DNHD1: variants seen among roughly 807,000 people sequenced by gnomAD.
The protein encoded by DNHD1 is dynein heavy chain domain 1, also known as dynein heavy chain domain-containing protein 1.
DNHD1 carries 383 observed loss-of-function variants against 458.1 expected under a neutral mutation model. The ratio of observed to expected loss-of-function variants is 0.84; its 90% CI spans 0.77 to 0.91. DNHD1 has a LOEUF of 0.91. Among genes scored for constraint, DNHD1 ranks in the 40% least tolerant of loss-of-function variants. DNHD1 has a pLI of 0.00. For missense variants in DNHD1, 5,336 were observed against 5,866.1 expected (o/e 0.91, Z 2.95); for synonymous variants, 2,203 against 2,376.9 (o/e 0.93, Z 2.13).
Position 6,537,737 on chromosome 11 carries a change from C to T in DNHD1, c.2999-646C>T, listed in dbSNP as rs779136945. ...CACGAGGTCAGGAGTTCGAGACAAGCCTGGCCAACATAGTGAAACCCTGTC... is the reference window on the plus strand; with the variant it reads ...CACGAGGTCAGGAGTTCGAGACAAGTCTGGCCAACATAGTGAAACCCTGTC... On this transcript the variant is annotated intron_variant, in intron 14 of 42. Transcript: ENST00000254579. Among the ~76,000 whole-genome samples the T allele has an allele frequency of 2.7e-4, 41 of 152,190 alleles. No individual in the cohort carries two copies. In the Middle Eastern group the frequency reaches 0.017, roughly 63 times the overall value.
chr11:6,570,994 G>T lies in DNHD1; in HGVS notation c.13482G>T (p.Gln4494His), dbSNP rs751967513. ...VLETEALELS[Q>H]LVGTLQRDLD... The stretch of plus-strand genomic sequence containing the variant: ...AGACCGAGGCTCTAGAACTGAGCCA[G>T]TTGGTGGGCACGCTACAACGCGACC... Residue 4494 changes from glutamine to histidine, a missense_variant, in exon 42 of 43, where the codon CAG (glutamine) becomes CAT (histidine). Gln to His is a conservative substitution (Grantham distance 24, BLOSUM62 0). Coordinates refer to ENST00000254579, the MANE Select transcript of DNHD1 (RefSeq NM_144666.3). The T allele has an allele frequency of 6.2e-7, 1 of 1,601,986 alleles. No homozygotes were observed. Among genetic ancestry groups the T allele is most frequent in the Non-Finnish European group, 8.5e-7 (1 of 1,171,348 alleles).
Position 6,563,786 on chromosome 11 carries a change from C to A in DNHD1, c.9946C>A (p.Leu3316Met). Residue 3316 changes from leucine to methionine, a missense_variant, in exon 31 of 43, where the codon CTG (leucine) becomes ATG (methionine). Transcript: ENST00000254579. The stretch of plus-strand genomic sequence containing the variant: ...GGCTCCAGGTATGGACGATGCAGCC[C>A]TGCGGGCAGTGAGCCGACCTGCAGC... ...LKAPGMDDAA[L>M]RAVSRPAASL... is the part of the protein sequence containing the mutation. 1 of 1,551,676 alleles carries A rather than the reference C, an allele frequency of 6.4e-7. No homozygotes were observed.
At chr11:6,514,017 T>C (rs188490624) in intron 7 of DNHD1, among the ~76,000 whole-genome samples, 125 of 152,164 alleles carry the variant, frequency 8.2e-4, no homozygotes, top group Admixed American at 1.8e-3. Flanking sequence ...CTAATTTTTT[T>C]TTGTATTTTT....
chr11:6,499,660 C>T lies in DNHD1; in HGVS notation c.746+699C>T, dbSNP rs1314835437. Among the ~76,000 whole-genome samples, 17 of 152,030 alleles carry T rather than the reference C, an allele frequency of 1.1e-4. No homozygotes were observed. The East Asian group carries it at 2.5e-3, about 23-fold the overall frequency. ...TCGGTTCACCGCAACCTCCGCCTCC[C>T]GGGTTCAAGTGATTCTCCTGCCTCA... On this transcript the variant is annotated intron_variant, in intron 3 of 42. Transcript: ENST00000254579.
In DNHD1 at chr11:6,505,338, C is replaced by T. The variant is rs190715612; in HGVS notation, c.920+2412C>T. Among the ~76,000 whole-genome samples the T allele has an allele frequency of 9.2e-5, 14 of 152,152 alleles. No individual in the cohort carries two copies. The highest frequency in any genetic ancestry group is 3.1e-4 in the African/African-American group (13 of 41,500). ...TGGCTCACTTTAATCTCCGCATCTC[C>T]GCCTCCCAGGTTCAAGCGATTCTCC... is the stretch of plus-strand genomic sequence containing the variant. On this transcript the variant is annotated intron_variant, in intron 4 of 42. Transcript: ENST00000254579. This position sits in a 1 kb window ranked among gnomAD's most constrained non-coding sequence, Gnocchi z 4.4.
At position 6,545,528 on chromosome 11, in the gene DNHD1, G is replaced by C. The variant is rs1034903938; in HGVS notation, c.4589G>C (p.Trp1530Ser). 2 of 1,551,790 alleles carry C rather than the reference G, an allele frequency of 1.3e-6. No homozygotes were observed. Among genetic ancestry groups the C allele is most frequent in the Admixed American group, 2.0e-5 (1 of 51,012 alleles). The change falls in exon 21 of 43, where the codon TGG becomes TCG. Residue 1530 changes from tryptophan (W) to serine (S), a missense_variant. Transcript: ENST00000254579. This position sits in a 1 kb window ranked among gnomAD's most constrained non-coding sequence, Gnocchi z 4.9. ...RAEMEEALLE[W>S]GTLAMVSMHM... ...GAGATGGAGGAGGCTCTGCTTGAGTGGGGTACCCTGGCCATGGTCTCCATG... is the reference window on the plus strand; with the variant it reads ...GAGATGGAGGAGGCTCTGCTTGAGTCGGGTACCCTGGCCATGGTCTCCATG...
intron 10 of DNHD1, among the ~76,000 whole-genome samples, chr11:6,528,078 G>A (rs183983640): frequency 2.0e-5 from 3 of 152,330 alleles, no homozygotes; most frequent in African/African-American, 4.8e-5. Flanking sequence ...GAATTAAGAG[G>A]GGGAAAGAGT....
In DNHD1 at chr11:6,571,694, A is replaced by G. The variant is rs770672401; in HGVS notation, c.13970A>G (p.Gln4657Arg). The change falls in exon 43 of 43, where the codon CAG becomes CGG. Residue 4657 changes from glutamine (Q) to arginine (R), a missense_variant. By Grantham distance (43) the Gln-to-Arg change is conservative (BLOSUM62 1). Around this residue, in one of 4 missense-constraint regions of DNHD1, gnomAD observed 698 missense variants for 664.9 expected, o/e 1.05. Coordinates refer to ENST00000254579, the MANE Select transcript of DNHD1 (RefSeq NM_144666.3). This position sits in a 1 kb window ranked among gnomAD's most constrained non-coding sequence, Gnocchi z 5.0. ...AGAGGGCTGCTGCTGATCGGGCTAC[A>G]GGTCCTACATGCGGAGTGGGACCCA... ...PERGLLLIGL[Q>R]VLHAEWDPIA... is the part of the protein sequence containing the mutation. 1 of 1,611,612 alleles carries G rather than the reference A, an allele frequency of 6.2e-7. No homozygotes were observed. Among genetic ancestry groups the G allele is most frequent in the East Asian group, 2.2e-5 (1 of 44,776 alleles).
At position 6,545,611 on chromosome 11, in the gene DNHD1, G is replaced by A. The variant is rs770507751; in HGVS notation, c.4672G>A (p.Gly1558Ser). Residue 1558 changes from glycine (G) to serine (S), a missense_variant, in exon 21 of 43, where the codon GGT becomes AGT. Gly to Ser is a moderately conservative substitution (Grantham distance 56). Around this residue, in one of 4 missense-constraint regions of DNHD1, gnomAD observed 3,932 missense variants for 4,365.6 expected, o/e 0.90. Transcript: ENST00000254579. The surrounding 1 kb of genome is among the most constrained non-coding windows in gnomAD (Gnocchi z 4.9). ...TATGCGGGCCCAGAGGGCTTCCCAA[G>A]GTGGGCAGTCCCTGCCTTCTGTCCG... Reference protein sequence around the residue: ...NFMRAQRASQGGQSLPSVRQT... With the variant: ...NFMRAQRASQSGQSLPSVRQT... The A allele has an allele frequency of 6.4e-7, 1 of 1,551,924 alleles. No homozygotes were observed. The highest frequency in any genetic ancestry group is 1.2e-5 in the South Asian group (1 of 84,068).
rs1282777524 is a variant in DNHD1, at chr11:6,570,653, G to A, written c.13141G>A (p.Ala4381Thr). The A allele has an allele frequency of 3.1e-6, 5 of 1,611,806 alleles. No individual in the cohort carries two copies. The Admixed American group carries it at 8.4e-5, about 27-fold the overall frequency. Reference protein sequence around the residue: ...RELDAMAECKAQMHLLPSPPE... With the variant: ...RELDAMAECKTQMHLLPSPPE... Reference sequence around the variant, plus strand: ...GCTGGATGCAATGGCAGAGTGCAAGGCCCAGATGCACCTACTGCCCTCACC... The same window carrying A: ...GCTGGATGCAATGGCAGAGTGCAAGACCCAGATGCACCTACTGCCCTCACC... The change falls in exon 42 of 43, where the codon GCC becomes ACC. Residue 4381 changes from alanine to threonine, a missense_variant. Around this residue, in one of 4 missense-constraint regions of DNHD1, gnomAD observed 698 missense variants for 664.9 expected, o/e 1.05. Transcript: ENST00000254579.
At chr11:6,559,381 C>T in intron 28 of DNHD1, 98 bp downstream of exon 28, 1 of 990,374 alleles carries the variant, frequency 1.0e-6, no homozygotes, top group Non-Finnish European at 1.5e-6. Flanking sequence ...ATTCTTGTCC[C>T]CCTAAGCTTC....
Position 6,563,709 on chromosome 11 carries a change from C to G in DNHD1, c.9869C>G (p.Pro3290Arg). Residue 3290 changes from proline to arginine, a missense_variant, in exon 31 of 43, where the codon CCC becomes CGC. Pro to Arg is a moderately radical substitution (Grantham distance 103). This residue lies in a region of DNHD1 where 3,932 missense variants were observed against 4,365.6 expected (regional missense o/e 0.90). Coordinates refer to ENST00000254579, the MANE Select transcript of DNHD1 (RefSeq NM_144666.3). ...EDFYQELVFF[P>R]KEKITDSELI... is the part of the protein sequence containing the mutation. Reference sequence around the variant, plus strand: ...TCCTTCCAGGAGCTGGTGTTCTTCCCCAAGGAGAAGATAACAGACTCAGAG... The same window carrying G: ...TCCTTCCAGGAGCTGGTGTTCTTCCGCAAGGAGAAGATAACAGACTCAGAG... 1 of 1,545,702 alleles carries G rather than the reference C, an allele frequency of 6.5e-7. No individual in the cohort carries two copies. The highest frequency in any genetic ancestry group is 1.2e-5 in the South Asian group (1 of 83,796).
intron 6 of DNHD1, 102 bp downstream of exon 6, chr11:6,509,374 C>G: frequency 9.3e-7 from 1 of 1,072,420 alleles, no homozygotes; most frequent in South Asian, 1.6e-5. Flanking sequence ...CAAAAAAGCA[C>G]TAAGAAAAAA....
At chr11:6,511,513 T>TG in intron 7 of DNHD1, 84 bp downstream of exon 7, 4 of 1,532,208 alleles carry the variant, frequency 2.6e-6, no homozygotes, top group Non-Finnish European at 3.5e-6. Flanking sequence ...AAGTTTCTCC[T>TG]GGAATCCACT....
At position 6,563,852 on chromosome 11, in the gene DNHD1, C is replaced by G. The variant is rs1241612304; in HGVS notation, c.10012C>G (p.Leu3338Val). 1 of 1,551,698 alleles carries G rather than the reference C, an allele frequency of 6.4e-7. No individual in the cohort carries two copies. The highest frequency in any genetic ancestry group is 2.0e-5 in the Admixed American group (1 of 51,008). Residue 3338 changes from leucine (L) to valine (V), a missense_variant, in exon 31 of 43, where the codon CTG (leucine) becomes GTG (valine). By Grantham distance (32) the Leu-to-Val change is conservative. Around this residue, in one of 4 missense-constraint regions of DNHD1, gnomAD observed 3,932 missense variants for 4,365.6 expected, o/e 0.90. Coordinates refer to ENST00000254579, the MANE Select transcript of DNHD1 (RefSeq NM_144666.3). ...AWLWAVLHYG[L>V]AHCRGLPTDL... ...GCTCTGGGCTGTTCTGCACTATGGG[C>G]TGGCGCATTGCCGGGGACTGCCCAC...
In DNHD1 at chr11:6,558,212, G is replaced by A; in HGVS notation, c.8917G>A (p.Ala2973Thr). 7 of 1,551,704 alleles carry A rather than the reference G, an allele frequency of 4.5e-6. No individual in the cohort carries two copies. Among genetic ancestry groups the A allele is most frequent in the Non-Finnish European group, 6.1e-6 (7 of 1,147,004 alleles). Residue 2973 changes from alanine to threonine, a missense_variant, in exon 25 of 43, where the codon GCA becomes ACA. Transcript: ENST00000254579. ...CAGTTTCCCTGGCCAGTACACAGAAGCAGATTTGGACCGCATTGGAGAACA... is the reference window on the plus strand; with the variant it reads ...CAGTTTCCCTGGCCAGTACACAGAAACAGATTTGGACCGCATTGGAGAACA... ...SGSFPGQYTE[A>T]DLDRIGEHLP...
chr11:6,566,495 C>T (rs1273739954), intron 34 of DNHD1, 92 bp from the exon 35 acceptor site: 1 of 1,553,280 alleles, frequency 6.4e-7, no homozygotes, highest in African/African-American at 1.4e-5. Flanking sequence ...AGAGCAGGCA[C>T]AGGTCTATAG....
intron 10 of DNHD1, among the ~76,000 whole-genome samples, chr11:6,525,943 G>A (rs556057539): frequency 2.0e-5 from 3 of 151,970 alleles, no homozygotes; most frequent in South Asian, 2.1e-4. Flanking sequence ...GGATTGTCAG[G>A]TATGTTCTTT....
chr11:6,515,778 CA>C (rs1564998440), intron 7 of DNHD1, among the ~76,000 whole-genome samples: 12 of 137,548 alleles, frequency 8.7e-5, no homozygotes, highest in African/African-American at 1.7e-4. Context: ...TCTATAGACA[CA>C]TTTTTTTTTT....
Sources: allele counts gnomAD v4.1 joint callset (sites outside exome capture counted in the v4.1 genomes callset), GRCh38; gene constraint gnomAD v4.1.1; regional missense constraint gnomAD v4.1.1; non-coding constraint Gnocchi (gnomAD v3.1); transcripts MANE v1.5; gene names NCBI Gene and HGNC (gene_info 2026-07-23, HGNC 2026-07-21).